FAM227B: variants seen among roughly 807,000 people sequenced by gnomAD.
The protein encoded by FAM227B is protein FAM227B.
FAM227B carries 88 observed loss-of-function variants against 73.8 expected under a neutral mutation model. That is an observed-to-expected ratio of 1.19 (90% CI 1.00 to 1.42). FAM227B has a LOEUF of 1.42. Among genes scored for constraint, FAM227B ranks in the 40% most tolerant of loss-of-function variants. The pLI, the probability that FAM227B is intolerant of heterozygous loss-of-function variation, is 0.00. For synonymous variants in FAM227B, 210 were observed against 190.5 expected, an observed-to-expected ratio of 1.10 and a Z score of -0.84; for missense variants, 632 against 590.9, an observed-to-expected ratio of 1.07 and a Z score of -0.72.
intron 11 of FAM227B, among the ~76,000 whole-genome samples, chr15:49,479,188 T>C (rs1317464864): frequency 6.6e-6 from 1 of 152,240 alleles, no homozygotes; most frequent in East Asian, 1.9e-4. Context: ...CAAGGCTAAA[T>C]GGTCAATGTG....
chr15:49,364,975 G>T, intron 13 of FAM227B: 1 of 366,930 alleles, frequency 2.7e-6, no homozygotes, highest in South Asian at 4.0e-5. Flanking sequence ...AATTATTTAT[G>T]ATGTAACTGT....
At chr15:49,595,706 G>T (rs932751253) in intron 3 of FAM227B, among the ~76,000 whole-genome samples, 1 of 149,352 alleles carries the variant, frequency 6.7e-6, no homozygotes, top group Non-Finnish European at 1.5e-5. Flanking sequence ...CAAACATGAG[G>T]GAATTAAAAT....
At position 49,330,058 on chromosome 15, in the gene FAM227B, G is replaced by A. The variant is rs554200469; in HGVS notation, c.1420-1383C>T. 53 of 152,408 alleles carry A rather than the reference G, an allele frequency of 3.5e-4. No homozygotes were observed. In the South Asian group the frequency reaches 7.2e-3, roughly 21 times the overall value. 9.4% of individuals were successfully genotyped at this position (152,408 alleles called of 1,614,324 possible). A position where few individuals can be genotyped will look rare whatever the true frequency, so the allele number is the denominator to read the frequency against. On this transcript the variant is annotated intron_variant, in intron 15 of 15. Coordinates refer to ENST00000299338, the MANE Select transcript of FAM227B (RefSeq NM_152647.3). Reference sequence around the variant, plus strand: ...ATTATGAGAGATGCTAAACTTACCTGGAAGGGATAGGGCCGGGGCCATTAG... The same window carrying A: ...ATTATGAGAGATGCTAAACTTACCTAGAAGGGATAGGGCCGGGGCCATTAG...
chr15:49,559,296 T>G (rs1172615573), intron 9 of FAM227B, among the ~76,000 whole-genome samples: 1 of 152,074 alleles, frequency 6.6e-6, no homozygotes, highest in Non-Finnish European at 1.5e-5. Flanking sequence ...TGCTTGCCAT[T>G]TGGGCATTTG....
intron 13 of FAM227B, among the ~76,000 whole-genome samples, chr15:49,362,605 C>A (rs551490383): frequency 6.6e-6 from 1 of 152,126 alleles, no homozygotes; most frequent in African/African-American, 2.4e-5. Flanking sequence ...TCTTTTGCTG[C>A]GCAGAAGGTC....
chr15:49,331,879 C>A (rs923430265), intron 14 of FAM227B, 30 bp from the exon 15 acceptor site: 2 of 1,341,618 alleles, frequency 1.5e-6, no homozygotes, highest in Non-Finnish European at 2.1e-6. Context: ...AATCAGTAAC[C>A]AAACTAATTG....
chr15:49,348,131 G>A (rs529488691), intron 13 of FAM227B, among the ~76,000 whole-genome samples: 103 of 151,684 alleles, frequency 6.8e-4, no homozygotes, highest in African/African-American at 2.4e-3. Context: ...TCCCTGATAA[G>A]GCTGGATAAA....
At chr15:49,601,673 G>A (rs1262420915) in intron 3 of FAM227B, among the ~76,000 whole-genome samples, 2 of 152,036 alleles carry the variant, frequency 1.3e-5, no homozygotes, top group African/African-American at 4.8e-5. Context: ...TATTTTAAAT[G>A]TACAATTCAA....
chr15:49,328,801 G>A, intron 15 of FAM227B, 126 bp from the exon 16 acceptor site: 1 of 1,417,948 alleles, frequency 7.1e-7, no homozygotes, highest in Non-Finnish European at 9.2e-7. Flanking sequence ...ACAAAAGGAG[G>A]ATACAGGAAG....
intron 11 of FAM227B, among the ~76,000 whole-genome samples, chr15:49,469,288 T>G (rs998499205): frequency 6.6e-6 from 1 of 152,190 alleles, no homozygotes; most frequent in Non-Finnish European, 1.5e-5. Flanking sequence ...TTATACCACT[T>G]ATCGAATACT....
intron 9 of FAM227B, among the ~76,000 whole-genome samples, chr15:49,563,375 C>T (rs541365668): frequency 8.5e-5 from 13 of 152,090 alleles, no homozygotes; most frequent in Admixed American, 4.6e-4. Flanking sequence ...TCCACACTCA[C>T]GGAATGGAAG....
chr15:49,423,836 A>G (rs2049896923), intron 11 of FAM227B, among the ~76,000 whole-genome samples: 1 of 152,128 alleles, frequency 6.6e-6, no homozygotes, highest in African/African-American at 2.4e-5. Flanking sequence ...GTCTCTACTC[A>G]TGCATAAATT....
At chr15:49,518,227 G>A (rs1012925777) in intron 10 of FAM227B, among the ~76,000 whole-genome samples, 1 of 152,206 alleles carries the variant, frequency 6.6e-6, no homozygotes, top group Middle Eastern at 3.4e-3. Context: ...CAAAATTATT[G>A]TATTAACCTG....
intron 1 of FAM227B, chr15:49,620,277 CGT>C (rs1292740408): frequency 2.6e-5 from 4 of 152,174 alleles, no homozygotes; most frequent in African/African-American, 9.7e-5. Flanking sequence ...TACTTGATAT[CGT>C]GAGCACTTCT....
chr15:49,381,498 A>G (rs967164929), intron 11 of FAM227B, among the ~76,000 whole-genome samples: 1 of 152,206 alleles, frequency 6.6e-6, no homozygotes, highest in African/African-American at 2.4e-5. Flanking sequence ...ATGAGAAGTA[A>G]TAGCTACCTT....
chr15:49,360,720 G>A (rs961839207), intron 13 of FAM227B, among the ~76,000 whole-genome samples: 1 of 152,098 alleles, frequency 6.6e-6, no homozygotes, highest in Non-Finnish European at 1.5e-5. Flanking sequence ...AAGTGACCAA[G>A]TTTTTAATAA....
chr15:49,367,796 G>A, intron 12 of FAM227B, 188 bp from the exon 13 acceptor site: 1 of 398,548 alleles, frequency 2.5e-6, no homozygotes, highest in East Asian at 4.9e-5. Context: ...ATGCAGTAAG[G>A]CTCTTCTACT....
At chr15:49,532,559 G>A (rs1422468041) in intron 10 of FAM227B, among the ~76,000 whole-genome samples, 1 of 151,078 alleles carries the variant, frequency 6.6e-6, no homozygotes, top group Non-Finnish European at 1.5e-5. Context: ...ATAGTCTAGA[G>A]AAAACGGGAA....
intron 7 of FAM227B, chr15:49,576,253 T>C (rs1332306391): frequency 6.6e-6 from 1 of 152,486 alleles, no homozygotes; most frequent in Non-Finnish European, 1.5e-5. Flanking sequence ...CCCACCCTCA[T>C]TTTAGCCCTC....
Sources: allele counts gnomAD v4.1 joint callset (sites outside exome capture counted in the v4.1 genomes callset), GRCh38; gene constraint gnomAD v4.1.1; transcripts MANE v1.5; gene names NCBI Gene and HGNC (gene_info 2026-07-23, HGNC 2026-07-21).